Variants in HSPA6 observed in about 807,000 individuals in gnomAD.
The protein encoded by HSPA6 is heat shock 70 kDa protein 6.
For missense variants in HSPA6, 718 were observed against 860.9 expected (o/e 0.83, Z 2.08); for synonymous variants, 312 against 368.2 (o/e 0.85, Z 1.75).
Position 161,525,540 on chromosome 1 carries a change from C to T in HSPA6, c.882C>T (p.Asp294=). The T allele has an allele frequency of 1.2e-6, 2 of 1,613,618 alleles. No homozygotes were observed. The highest frequency in any genetic ancestry group is 8.5e-7 in the Non-Finnish European group (1 of 1,179,750). Residue 294 remains aspartate (D), a synonymous_variant, in exon 1 of 1, where the codon GAC becomes GAT. Transcript: ENST00000309758. ...TAGACTCCCTGTTCGAGGGCGTGGA[C>T]TTCTACACGTCCATCACTCGTGCCC... ...LEIDSLFEGV[D]FYTSITRARF...
In HSPA6 at chr1:161,526,031, TG is replaced by T. The variant is rs2102502745; in HGVS notation, c.1377del (p.Arg460ValfsTer17). On this transcript the variant is annotated frameshift_variant, in exon 1 of 1. Transcript: ENST00000309758. LOFTEE classifies it low-confidence loss of function (END_TRUNC). Reference protein sequence around the residue: ...ERAMTKDNNLLGRFELSGIPP... With the variant: ...ERAMTKDNNLXGRFELSGIPP... ...GCCATGACCAAGGACAACAACCTGC[TG>T]GGGCGTTTTGAACTCAGTGGCATCC... The T allele has an allele frequency of 1.2e-6, 2 of 1,613,752 alleles. No individual in the cohort carries two copies. Among genetic ancestry groups the T allele is most frequent in the East Asian group, 4.5e-5 (2 of 44,866 alleles).
rs1676644427 is a variant in HSPA6, at chr1:161,525,213, T to C, written c.555T>C (p.Tyr185=). Residue 185 remains tyrosine, a synonymous_variant, in exon 1 of 1, where the codon TAT becomes TAC. Coordinates refer to ENST00000309758, the MANE Select transcript of HSPA6 (RefSeq NM_002155.5). ...INEPTAAAIA[Y]GLDRRGAGER... ...AGCCCACGGCAGCTGCCATCGCCTA[T>C]GGGCTGGACCGGCGGGGCGCGGGAG... 1.2e-6 allele frequency: 2 copies of C among 1,613,970 alleles called. No individual in the cohort carries two copies. The highest frequency in any genetic ancestry group is 1.7e-6 in the Non-Finnish European group (2 of 1,179,924).
chr1:161,526,352 C>T lies in HSPA6; in HGVS notation c.1694C>T (p.Pro565Leu), dbSNP rs757720987. ...LQEESLRDKI[P>L]EEDRRKMQDK... Reference sequence around the variant, plus strand: ...GAGGAAAGCCTTAGGGACAAGATTCCCGAAGAGGACAGGCGCAAAATGCAA... The same window carrying T: ...GAGGAAAGCCTTAGGGACAAGATTCTCGAAGAGGACAGGCGCAAAATGCAA... Residue 565 changes from proline (P) to leucine (L), a missense_variant, in exon 1 of 1, where the codon CCC becomes CTC. By Grantham distance (98) the Pro-to-Leu change is moderately conservative. Coordinates refer to ENST00000309758, the MANE Select transcript of HSPA6 (RefSeq NM_002155.5). The T allele has an allele frequency of 6.2e-7, 1 of 1,602,946 alleles. No homozygotes were observed. The highest frequency in any genetic ancestry group is 1.7e-5 in the Admixed American group (1 of 58,192).
In HSPA6 at chr1:161,525,358, G is replaced by A. The variant is rs147002100; in HGVS notation, c.700G>A (p.Asp234Asn). 1.3e-4 allele frequency: 202 copies of A among 1,613,362 alleles called. No individual in the cohort carries two copies. The highest frequency in any genetic ancestry group is 1.6e-4 in the Non-Finnish European group (184 of 1,179,722). The change falls in exon 1 of 1, where the codon GAC (aspartate) becomes AAC (asparagine). Residue 234 changes from aspartate to asparagine, a missense_variant. Asp to Asn is a conservative substitution (Grantham distance 23). Coordinates refer to ENST00000309758, the MANE Select transcript of HSPA6 (RefSeq NM_002155.5). ...TGGAGATACCCACCTGGGAGGAGAG[G>A]ACTTCGACAACCGGCTCGTGAACCA... is the stretch of plus-strand genomic sequence containing the variant. ...TAGDTHLGGE[D>N]FDNRLVNHFM...
At position 161,524,948 on chromosome 1, in the gene HSPA6, T is replaced by A. The variant is rs1050690943; in HGVS notation, c.290T>A (p.Val97Glu). 1 of 1,613,562 alleles carries A rather than the reference T, an allele frequency of 6.2e-7. No homozygotes were observed. The highest frequency in any genetic ancestry group is 8.5e-7 in the Non-Finnish European group (1 of 1,179,934). ...SDMKHWPFRV[V>E]SEGGKPKVRV... ...ATGAAGCACTGGCCCTTCCGGGTGG[T>A]GAGCGAGGGCGGCAAGCCCAAGGTG... The change falls in exon 1 of 1, where the codon GTG becomes GAG. Residue 97 changes from valine (V) to glutamate (E), a missense_variant. Val to Glu is a moderately radical substitution (Grantham distance 121). Coordinates refer to ENST00000309758, the MANE Select transcript of HSPA6 (RefSeq NM_002155.5).
In HSPA6 at chr1:161,526,231, G is replaced by C. The variant is rs749779835; in HGVS notation, c.1573G>C (p.Glu525Gln). 2.9e-5 allele frequency: 47 copies of C among 1,613,800 alleles called. 1 individual carries two copies. The highest frequency in any genetic ancestry group is 3.2e-5 in the Non-Finnish European group (38 of 1,179,946). The part of the protein sequence containing the change: ...EEVERMVHEA[E>Q]QYKAEDEAQR... ...GGTGGAGAGGATGGTTCATGAAGCC[G>C]AGCAGTACAAGGCTGAGGATGAGGC... Residue 525 changes from glutamate (E) to glutamine (Q), a missense_variant, in exon 1 of 1, where the codon GAG becomes CAG. Glu to Gln is a conservative substitution (Grantham distance 29). Transcript: ENST00000309758.
chr1:161,525,193 A>G lies in HSPA6; in HGVS notation c.535A>G (p.Thr179Ala). The G allele has an allele frequency of 6.2e-7, 1 of 1,613,968 alleles. No individual in the cohort carries two copies. Among genetic ancestry groups the G allele is most frequent in the Non-Finnish European group, 8.5e-7 (1 of 1,179,956 alleles). ...LNVLRIINEP[T>A]AAAIAYGLDR... ...CGTGTTGCGGATCATCAATGAGCCC[A>G]CGGCAGCTGCCATCGCCTATGGGCT... is the stretch of plus-strand genomic sequence containing the variant. Residue 179 changes from threonine to alanine, a missense_variant, in exon 1 of 1, where the codon ACG (threonine) becomes GCG (alanine). Physicochemically the swap from Thr to Ala is moderately conservative, Grantham distance 58. Transcript: ENST00000309758.
Position 161,526,583 on chromosome 1 carries a change from T to C in HSPA6, c.1925T>C (p.Val642Ala). 2.0e-6 allele frequency: 3 copies of C among 1,530,382 alleles called. No homozygotes were observed. The highest frequency in any genetic ancestry group is 1.8e-6 in the Non-Finnish European group (2 of 1,140,394). 94.8% of individuals were successfully genotyped at this position (1,530,382 alleles called of 1,614,324 possible). A position where few individuals can be genotyped will look rare whatever the true frequency, so the allele number is the denominator to read the frequency against. Reference protein sequence around the residue: ...DPSTGPIIEEVD With the variant: ...DPSTGPIIEEAD ...AGCACCGGCCCCATCATTGAGGAGG[T>C]TGATTGAATGGCCCTTCGTGATAAG... Residue 642 changes from valine (V) to alanine (A), a missense_variant, in exon 1 of 1, where the codon GTT becomes GCT. Val to Ala is a moderately conservative substitution (Grantham distance 64, BLOSUM62 0). Transcript: ENST00000309758.
rs201874695 is a variant in HSPA6 at position 161,525,003 on chromosome 1, G to A, written c.345G>A (p.Thr115=). Residue 115 remains threonine, a synonymous_variant, in exon 1 of 1, where the codon ACG becomes ACA. Transcript: ENST00000309758. ...TATGCTACCGCGGGGAGGACAAGACGTTCTACCCCGAGGAGATCTCGTCCA... is the reference window on the plus strand; with the variant it reads ...TATGCTACCGCGGGGAGGACAAGACATTCTACCCCGAGGAGATCTCGTCCA... ...VRVCYRGEDK[T]FYPEEISSMV... The A allele has an allele frequency of 1.9e-6, 3 of 1,613,018 alleles. No homozygotes were observed. Among genetic ancestry groups the A allele is most frequent in the Admixed American group, 1.7e-5 (1 of 59,908 alleles).
In HSPA6 at chr1:161,525,058, G is replaced by C. The variant is rs1211298947; in HGVS notation, c.400G>C (p.Glu134Gln). The C allele has an allele frequency of 1.9e-6, 3 of 1,613,058 alleles. No individual in the cohort carries two copies. In the East Asian group the frequency reaches 6.7e-5, roughly 36 times the overall value. ...MVLSKMKETA[E>Q]AYLGQPVKHA... ...GCTGAGCAAGATGAAGGAGACGGCCGAGGCGTACCTGGGCCAGCCCGTGAA... is the reference window on the plus strand; with the variant it reads ...GCTGAGCAAGATGAAGGAGACGGCCCAGGCGTACCTGGGCCAGCCCGTGAA... The change falls in exon 1 of 1, where the codon GAG (glutamate) becomes CAG (glutamine). Residue 134 changes from glutamate to glutamine, a missense_variant. Coordinates refer to ENST00000309758, the MANE Select transcript of HSPA6 (RefSeq NM_002155.5).
At position 161,524,682 on chromosome 1, in the gene HSPA6, G is replaced by A. The variant is rs1198063729; in HGVS notation, c.24G>A (p.Ala8=). 3 of 1,398,944 alleles carry A rather than the reference G, an allele frequency of 2.1e-6. No individual in the cohort carries two copies. Among genetic ancestry groups the A allele is most frequent in the South Asian group, 1.3e-5 (1 of 79,400 alleles). 86.7% of individuals were successfully genotyped at this position (1,398,944 alleles called of 1,614,324 possible). MQAPREL[A]VGIDLGTTYS... ...CCATGCAGGCCCCACGGGAGCTCGC[G>A]GTGGGCATCGACCTGGGCACCACCT... Residue 8 remains alanine, a synonymous_variant, in exon 1 of 1, where the codon GCG becomes GCA. Transcript: ENST00000309758.
chr1:161,524,863 G>T lies in HSPA6; in HGVS notation c.205G>T (p.Val69Leu), dbSNP rs375370283. ...GGCGGCCCTGAACCCCCACAACACC[G>T]TGTTCGATGCCAAGCGGCTGATCGG... is the stretch of plus-strand genomic sequence containing the variant. ...SQAALNPHNT[V>L]FDAKRLIGRK... The change falls in exon 1 of 1, where the codon GTG (valine) becomes TTG (leucine). Residue 69 changes from valine to leucine, a missense_variant. By Grantham distance (32) the Val-to-Leu change is conservative. Transcript: ENST00000309758. 1 of 1,612,188 alleles carries T rather than the reference G, an allele frequency of 6.2e-7. No homozygotes were observed. The highest frequency in any genetic ancestry group is 2.2e-5 in the East Asian group (1 of 44,844).
chr1:161,526,041 T>A lies in HSPA6; in HGVS notation c.1383T>A (p.Phe461Leu), dbSNP rs1348926152. The A allele has an allele frequency of 6.2e-7, 1 of 1,613,788 alleles. No homozygotes were observed. The highest frequency in any genetic ancestry group is 1.1e-5 in the South Asian group (1 of 91,038). Residue 461 changes from phenylalanine to leucine, a missense_variant, in exon 1 of 1, where the codon TTT (phenylalanine) becomes TTA (leucine). Phe to Leu is a conservative substitution (Grantham distance 22). Coordinates refer to ENST00000309758, the MANE Select transcript of HSPA6 (RefSeq NM_002155.5). ...AGGACAACAACCTGCTGGGGCGTTT[T>A]GAACTCAGTGGCATCCCTCCTGCCC... Reference protein sequence around the residue: ...MTKDNNLLGRFELSGIPPAPR... With the variant: ...MTKDNNLLGRLELSGIPPAPR...
In HSPA6 at chr1:161,524,941, C is replaced by T; in HGVS notation, c.283C>T (p.Arg95Trp). 1.2e-6 allele frequency: 2 copies of T among 1,613,666 alleles called. No individual in the cohort carries two copies. Among genetic ancestry groups the T allele is most frequent in the Non-Finnish European group, 1.7e-6 (2 of 1,179,926 alleles). ...VQSDMKHWPF[R>W]VVSEGGKPKV... The stretch of plus-strand genomic sequence containing the variant: ...GTCGGACATGAAGCACTGGCCCTTC[C>T]GGGTGGTGAGCGAGGGCGGCAAGCC... The change falls in exon 1 of 1, where the codon CGG becomes TGG. Residue 95 changes from arginine to tryptophan, a missense_variant. Transcript: ENST00000309758.
In HSPA6 at chr1:161,525,399, C is replaced by G; in HGVS notation, c.741C>G (p.Phe247Leu). 6.2e-7 allele frequency: 1 copy of G among 1,610,560 alleles called. No homozygotes were observed. The highest frequency in any genetic ancestry group is 1.7e-5 in the Admixed American group (1 of 59,254). The change falls in exon 1 of 1, where the codon TTC becomes TTG. Residue 247 changes from phenylalanine to leucine, a missense_variant. Phe to Leu is a conservative substitution (Grantham distance 22, BLOSUM62 0). Transcript: ENST00000309758. ...TCGTGAACCACTTCATGGAAGAATT[C>G]CGGCGGAAGCATGGGAAGGACCTGA... ...NRLVNHFMEE[F>L]RRKHGKDLSG...
At position 161,526,599 on chromosome 1, in the gene HSPA6, T is replaced by C. The variant is rs1415606586; in HGVS notation, c.*9T>C. ...TTGAGGAGGTTGATTGAATGGCCCT[T>C]CGTGATAAGTCAGCTGTGACTGTCA... On this transcript the variant is annotated 3_prime_UTR_variant, in exon 1 of 1. Coordinates refer to ENST00000309758, the MANE Select transcript of HSPA6 (RefSeq NM_002155.5). The C allele has an allele frequency of 5.9e-6, 9 of 1,516,910 alleles. No homozygotes were observed. The highest frequency in any genetic ancestry group is 6.2e-6 in the Non-Finnish European group (7 of 1,133,916). 94.0% of individuals were successfully genotyped at this position (1,516,910 alleles called of 1,614,324 possible). A position where few individuals can be genotyped will look rare whatever the true frequency, so the allele number is the denominator to read the frequency against.
chr1:161,526,748 G>A lies in HSPA6; in HGVS notation c.*158G>A. 1 of 635,812 alleles carries A rather than the reference G, an allele frequency of 1.6e-6. No individual in the cohort carries two copies. The highest frequency in any genetic ancestry group is 3.6e-5 in the South Asian group (1 of 27,484). The allele number at this position is 635,812 out of a possible 1,614,324, so 39.4% of individuals were successfully genotyped here. ...AGTCTTTTGACTTTTTGCGGGGAGG[G>A]CGGTTCATCCTCTTCTGCTTCAAAT... On this transcript the variant is annotated 3_prime_UTR_variant, in exon 1 of 1. Transcript: ENST00000309758.
At position 161,526,182 on chromosome 1, in the gene HSPA6, C is replaced by T. The variant is rs1392334799; in HGVS notation, c.1524C>T (p.Asp508=). Residue 508 remains aspartate, a synonymous_variant, in exon 1 of 1, where the codon GAC becomes GAT. Coordinates refer to ENST00000309758, the MANE Select transcript of HSPA6 (RefSeq NM_002155.5). ...GKANKITITN[D]KGRLSKEEVE... ...CTAACAAGATCACCATCACCAATGACAAGGGCCGGCTGAGCAAGGAGGAGG... is the reference window on the plus strand; with the variant it reads ...CTAACAAGATCACCATCACCAATGATAAGGGCCGGCTGAGCAAGGAGGAGG... The T allele has an allele frequency of 1.2e-6, 2 of 1,613,754 alleles. No homozygotes were observed. Among genetic ancestry groups the T allele is most frequent in the East Asian group, 4.5e-5 (2 of 44,886 alleles).
At position 161,526,548 on chromosome 1, in the gene HSPA6, G is replaced by C; in HGVS notation, c.1890G>C (p.Gln630His). 2 of 1,587,606 alleles carry C rather than the reference G, an allele frequency of 1.3e-6. No individual in the cohort carries two copies. Among genetic ancestry groups the C allele is most frequent in the Non-Finnish European group, 8.6e-7 (1 of 1,164,822 alleles). ...GGSSCGTQAR[Q>H]GDPSTGPIIE... is the part of the protein sequence containing the mutation. ...GCAGTTGTGGCACTCAAGCCCGCCA[G>C]GGGGACCCCAGCACCGGCCCCATCA... The change falls in exon 1 of 1, where the codon CAG (glutamine) becomes CAC (histidine). Residue 630 changes from glutamine to histidine, a missense_variant. Physicochemically the swap from Gln to His is conservative, Grantham distance 24. Coordinates refer to ENST00000309758, the MANE Select transcript of HSPA6 (RefSeq NM_002155.5).
Sources: allele counts gnomAD v4.1 joint callset, GRCh38; gene constraint gnomAD v4.1.1; transcripts MANE v1.5; gene names NCBI Gene and HGNC (gene_info 2026-07-23, HGNC 2026-07-21).